The following EED variants were observed in gnomAD, a reference collection of about 807,000 sequenced individuals.
EED encodes polycomb protein EED.
EED carries 9 observed loss-of-function variants against 61.0 expected under a neutral mutation model. The observed-to-expected ratio is 0.15, with a 90% CI of 0.09 to 0.26. EED has a LOEUF of 0.26. Ranked by LOEUF, EED falls within the 10% of genes least tolerant of loss-of-function variation. The pLI, the probability that EED is intolerant of heterozygous loss-of-function variation, is 1.00. For synonymous variants in EED, 187 were observed against 174.4 expected, an observed-to-expected ratio of 1.07 and a Z score of -0.57; for missense variants, 315 against 542.3, an observed-to-expected ratio of 0.58 and a Z score of 4.16.
At chr11:86,252,579 TAAG>T (rs1475239873) in intron 3 of EED, among the ~76,000 whole-genome samples, 10 of 151,932 alleles carry the variant, frequency 6.6e-5, no homozygotes, top group Non-Finnish European at 1.0e-4. Context: ...TCAAATAGCG[TAAG>T]AACTGGCTGT....
At position 86,261,674 on chromosome 11, in the gene EED, C is replaced by T. The variant is rs118022585; in HGVS notation, c.635-2498C>T. On this transcript the variant is annotated intron_variant, in intron 6 of 11. Transcript: ENST00000263360. ...AGAGGAAGCCGTGCCTCCACAGTTC[C>T]TGCATTCTCTGCATCTGCAGACTTA... Among the ~76,000 whole-genome samples, 267 of 152,342 alleles carry T rather than the reference C, an allele frequency of 1.8e-3. 2 individuals are homozygous for T. The highest frequency in any genetic ancestry group is 1.1e-3 in the Non-Finnish European group (72 of 68,038).
chr11:86,287,485 T>C, the EED span, among the ~76,000 whole-genome samples: 1 of 152,248 alleles, frequency 6.6e-6, no homozygotes, highest in East Asian at 1.9e-4. Flanking sequence ...TCATTTTGCC[T>C]TTCTTGCTTG....
intron 10 of EED, 54 bp from the exon 11 acceptor site, chr11:86,277,864 T>A: frequency 6.7e-7 from 1 of 1,488,384 alleles, no homozygotes; most frequent in Non-Finnish European, 8.9e-7. Flanking sequence ...CCTCCAATGC[T>A]TTAGAACCTG....
At chr11:86,258,523 C>T (rs1945735239) in intron 6 of EED, among the ~76,000 whole-genome samples, 1 of 149,850 alleles carries the variant, frequency 6.7e-6, no homozygotes, top group South Asian at 2.1e-4. Flanking sequence ...CTAAATATTA[C>T]AACTTTTTTT....
rs150924411 is a variant in EED, at chr11:86,261,120, G to A, written c.635-3052G>A. 4.1e-4 allele frequency among the ~76,000 whole-genome samples: 62 copies of A among 152,264 alleles called. 1 individual carries two copies. In the East Asian group the frequency reaches 0.011, roughly 28 times the overall value. On this transcript the variant is annotated intron_variant, in intron 6 of 11. Transcript: ENST00000263360. ...CAAATCCTCAATCAGATATGGGTGA[G>A]ACTCAAGGCAGGATTCCTGCTGAGG...
chr11:86,280,886 A>G (rs952756142), downstream of EED, among the ~76,000 whole-genome samples: 2 of 152,178 alleles, frequency 1.3e-5, no homozygotes, highest in South Asian at 4.1e-4. Context: ...AAGGGTGTTG[A>G]ATTTTGTCAA....
intron 10 of EED, chr11:86,277,644 GAAGAAA>G (rs1023714208): frequency 1.3e-5 from 3 of 239,156 alleles, no homozygotes; most frequent in Admixed American, 5.6e-5. Context: ...CTTGAAGGCA[GAAGAAA>G]AAGTAAGTAC....
chr11:86,255,276 G>C lies in EED; in HGVS notation c.415G>C (p.Val139Leu), dbSNP rs776117763. Residue 139 changes from valine to leucine, a missense_variant, in exon 4 of 12, where the codon GTG becomes CTG. Around this residue, in one of 2 missense-constraint regions of EED, gnomAD observed 205 missense variants for 455.4 expected, o/e 0.45. Coordinates refer to ENST00000263360, the MANE Select transcript of EED (RefSeq NM_003797.5). The stretch of plus-strand genomic sequence containing the variant: ...AGAAATCCGGTTGTTGCAATCTTAC[G>C]TGGATGCTGATGTATCCTTTCCTGG... ...QGEIRLLQSY[V>L]DADADENFYT... 58 of 1,609,074 alleles carry C rather than the reference G, an allele frequency of 3.6e-5. No individual in the cohort carries two copies. Among genetic ancestry groups the C allele is most frequent in the Non-Finnish European group, 3.8e-5 (45 of 1,176,476 alleles).
rs752720119 is a variant in EED, at chr11:86,257,640, A to G, written c.634+44A>G. Reference sequence around the variant, plus strand: ...TCTTGAGTCTGTGCAATTTGTCAGAATTAAGATGGAGTCACTAATGTCAAG... The same window carrying G: ...TCTTGAGTCTGTGCAATTTGTCAGAGTTAAGATGGAGTCACTAATGTCAAG... On this transcript the variant is annotated intron_variant, in intron 6 of 11. Transcript: ENST00000263360. 13 of 1,513,492 alleles carry G rather than the reference A, an allele frequency of 8.6e-6. No homozygotes were observed. The East Asian group carries it at 3.0e-4, about 35-fold the overall frequency. 93.8% of individuals were successfully genotyped at this position (1,513,492 alleles called of 1,614,324 possible).
intron 9 of EED, among the ~76,000 whole-genome samples, chr11:86,275,729 G>T (rs1451640779): frequency 2.0e-5 from 3 of 152,140 alleles, no homozygotes; most frequent in Non-Finnish European, 4.4e-5. Flanking sequence ...ATCAGTAGGG[G>T]CTGAGATGAG....
intron 6 of EED, chr11:86,263,968 G>A (rs555775142): frequency 1.9e-6 from 1 of 521,760 alleles, no homozygotes; most frequent in African/African-American, 1.9e-5. Context: ...CATGCTTTTG[G>A]GGGGGCCTAT....
chr11:86,248,005 G>A (rs1308447999), intron 1 of EED, among the ~76,000 whole-genome samples: 1 of 152,190 alleles, frequency 6.6e-6, no homozygotes, highest in Non-Finnish European at 1.5e-5. Flanking sequence ...AAGATCAGAG[G>A]GCTGAATCTG....
intron 6 of EED, among the ~76,000 whole-genome samples, chr11:86,263,117 C>T (rs1211606464): frequency 6.6e-6 from 1 of 152,156 alleles, no homozygotes; most frequent in Non-Finnish European, 1.5e-5. Context: ...ACAGGGATAG[C>T]TCTTACTCCA....
At chr11:86,245,364 T>G in intron 1 of EED, 21 bp downstream of exon 1, 2 of 1,579,456 alleles carry the variant, frequency 1.3e-6, no homozygotes, top group Non-Finnish European at 1.7e-6. Context: ...CTTCTGGCAG[T>G]TACGAGACTG....
chr11:86,271,405 A>C (rs1946108305), intron 9 of EED, among the ~76,000 whole-genome samples: 1 of 152,178 alleles, frequency 6.6e-6, no homozygotes, highest in Non-Finnish European at 1.5e-5. Context: ...CTACATATTC[A>C]AGGTGTGTTT....
chr11:86,258,562 T>G (rs553933912), intron 6 of EED, among the ~76,000 whole-genome samples: 16 of 150,830 alleles, frequency 1.1e-4, no homozygotes, highest in Non-Finnish European at 1.8e-4. Context: ...TTGGTTTTTT[T>G]TTTTTTTTTT....
At chr11:86,262,090 C>A (rs1945844928) in intron 6 of EED, among the ~76,000 whole-genome samples, 1 of 152,100 alleles carries the variant, frequency 6.6e-6, no homozygotes. Flanking sequence ...CTATGTTGCC[C>A]AGGCTGGTCT....
At chr11:86,280,746 A>G (rs1946314343), downstream of EED, among the ~76,000 whole-genome samples, 1 of 152,202 alleles carries the variant, frequency 6.6e-6, no homozygotes, top group Non-Finnish European at 1.5e-5. Flanking sequence ...TTTGTTCCTC[A>G]TCTTAAAGGA....
At chr11:86,268,267 A>G in intron 8 of EED, 189 bp from the exon 9 acceptor site, 1 of 458,990 alleles carries the variant, frequency 2.2e-6, no homozygotes, top group East Asian at 3.6e-5. Flanking sequence ...TAATGGAGAA[A>G]AATAAACAAA....
Sources: allele counts gnomAD v4.1 joint callset (sites outside exome capture counted in the v4.1 genomes callset), GRCh38; gene constraint gnomAD v4.1.1; regional missense constraint gnomAD v4.1.1; transcripts MANE v1.5; gene names NCBI Gene and HGNC (gene_info 2026-07-23, HGNC 2026-07-21).